CKAP5: variants seen among roughly 807,000 people sequenced by gnomAD.
The protein encoded by CKAP5 is cytoskeleton-associated protein 5.
A neutral mutation model predicts 232.8 loss-of-function variants in CKAP5; 27 were observed. The ratio of observed to expected loss-of-function variants is 0.12; its 90% CI spans 0.09 to 0.16. The LOEUF (loss-of-function observed/expected upper bound fraction) is 0.16, where lower values mean the gene tolerates loss of function less well. Ranked by LOEUF, CKAP5 falls within the 10% of genes least tolerant of loss-of-function variation. The pLI is 1.00. For synonymous variants in CKAP5, 785 were observed against 841.1 expected (o/e 0.93, Z 1.16); for missense variants, 1,838 against 2,424.7 (o/e 0.76, Z 5.08).
chr11:46,824,501 T>G (rs756115899), intron 1 of CKAP5, among the ~76,000 whole-genome samples: 5 of 152,212 alleles, frequency 3.3e-5, no homozygotes, highest in Non-Finnish European at 7.3e-5. Flanking sequence ...TTGTTCATAG[T>G]AGTCAAAAGC....
rs1051476566 is a variant in CKAP5 at position 46,845,071 on chromosome 11, T to A, written c.-38+1149A>T. 2.6e-5 allele frequency among the ~76,000 whole-genome samples: 4 copies of A among 152,220 alleles called. 1 individual carries two copies. The highest frequency in any genetic ancestry group is 9.6e-5 in the African/African-American group (4 of 41,458). ...ATTAAATTTGGTAAAAGCATTACAG[T>A]TTGTCCAGTCACTTCAGAGAAGTCA... On this transcript the variant is annotated intron_variant, in intron 1 of 43. Coordinates refer to ENST00000529230, the MANE Select transcript of CKAP5 (RefSeq NM_001008938.4).
intron 17 of CKAP5, among the ~76,000 whole-genome samples, chr11:46,783,587 G>A (rs1243779035): frequency 1.7e-5 from 2 of 119,660 alleles, no homozygotes; most frequent in African/African-American, 6.4e-5. Context: ...CAATTACTCT[G>A]CATTATAATG....
chr11:46,820,046 C>T lies in CKAP5; in HGVS notation c.57+1129G>A, dbSNP rs146751570. On this transcript the variant is annotated intron_variant, in intron 2 of 43. Transcript: ENST00000529230. ...TCACACGAGATTGAAAAACTCTTAG[C>T]ACATATTAACCAATCAAAAATCGGA... 7.2e-5 allele frequency among the ~76,000 whole-genome samples: 11 copies of T among 152,072 alleles called. 2 individuals are homozygous for T. Among genetic ancestry groups the T allele is most frequent in the African/African-American group, 2.7e-4 (11 of 41,488 alleles).
intron 27 of CKAP5, among the ~76,000 whole-genome samples, chr11:46,766,498 T>C (rs2134598861): frequency 6.6e-6 from 1 of 152,288 alleles, no homozygotes; most frequent in East Asian, 1.9e-4. Context: ...TTGTAATATT[T>C]AGAAGAAAGG....
chr11:46,743,740 A>G lies in CKAP5; in HGVS notation c.*283T>C, dbSNP rs1255253256. ...ATTTTACAAATGAGCAATTAAAAAG[A>G]AAAGAAAAGGATCTGGGAACTAGAC... On this transcript the variant is annotated 3_prime_UTR_variant, in exon 44 of 44. Coordinates refer to ENST00000529230, the MANE Select transcript of CKAP5 (RefSeq NM_001008938.4). The G allele has an allele frequency of 4.3e-6, 1 of 230,850 alleles. No individual in the cohort carries two copies. Among genetic ancestry groups the G allele is most frequent in the African/African-American group, 5.7e-5 (1 of 17,466 alleles). 14.3% of individuals were successfully genotyped at this position (230,850 alleles called of 1,614,324 possible). A position where few individuals can be genotyped will look rare whatever the true frequency, so the allele number is the denominator to read the frequency against.
At chr11:46,780,064 C>A (rs1202328324) in intron 20 of CKAP5, 130 bp downstream of exon 20, 2 of 978,156 alleles carry the variant, frequency 2.0e-6, no homozygotes, top group East Asian at 5.0e-5. Flanking sequence ...AACATCTGCA[C>A]TTAAGCAATC....
At chr11:46,782,639 TA>T (rs1220465249) in intron 18 of CKAP5, among the ~76,000 whole-genome samples, 2 of 152,214 alleles carry the variant, frequency 1.3e-5, no homozygotes, top group Non-Finnish European at 2.9e-5. Context: ...ATGCCTGGAT[TA>T]AAATCTTGGT....
intron 24 of CKAP5, among the ~76,000 whole-genome samples, chr11:46,772,835 G>A (rs1239444102): frequency 6.6e-5 from 10 of 151,024 alleles, no homozygotes; most frequent in Non-Finnish European, 1.3e-4. Flanking sequence ...TCTGCCTCCC[G>A]GGTTCAAGTG....
At chr11:46,776,221 T>C in intron 24 of CKAP5, 34 bp downstream of exon 24, 14 of 1,598,878 alleles carry the variant, frequency 8.8e-6, no homozygotes, top group Non-Finnish European at 1.2e-5. Flanking sequence ...GTAAATGACA[T>C]GAGTAATGCA....
chr11:46,807,885 C>A, intron 8 of CKAP5, 146 bp downstream of exon 8: 1 of 536,306 alleles, frequency 1.9e-6, no homozygotes, highest in Non-Finnish European at 3.2e-6. Flanking sequence ...TTTAAAACAA[C>A]CCTTTAAAAA....
intron 1 of CKAP5, among the ~76,000 whole-genome samples, chr11:46,835,173 G>A (rs1939886536): frequency 6.6e-6 from 1 of 151,920 alleles, no homozygotes; most frequent in African/African-American, 2.4e-5. Flanking sequence ...GAATCTGTTT[G>A]AGAGAAGTCA....
At position 46,809,622 on chromosome 11, in the gene CKAP5, A is replaced by G. The variant is rs566873762; in HGVS notation, c.763+120T>C. ...AGAAGGGACCAGAGTTATTAAAGCT[A>G]CATGCAACTTATATTTTATTAAAGG... On this transcript the variant is annotated intron_variant, in intron 6 of 43. Coordinates refer to ENST00000529230, the MANE Select transcript of CKAP5 (RefSeq NM_001008938.4). 58 of 1,360,254 alleles carry G rather than the reference A, an allele frequency of 4.3e-5. No individual in the cohort carries two copies. The African/African-American group carries it at 7.6e-4, about 18-fold the overall frequency. 84.3% of individuals were successfully genotyped at this position (1,360,254 alleles called of 1,614,324 possible).
rs144731018 is a variant in CKAP5, at chr11:46,746,399, C to A, written c.5705-1822G>T. Among the ~76,000 whole-genome samples the A allele has an allele frequency of 5.5e-3, 834 of 152,278 alleles. 7 individuals are homozygous for A. The highest frequency in any genetic ancestry group is 0.019 in the African/African-American group (805 of 41,534). On this transcript the variant is annotated intron_variant, in intron 42 of 43. Transcript: ENST00000529230. ...ACTTAGTTACTGCATTCATTTATATCATTTAACAAATATCATCATGTGTGG... is the reference window on the plus strand; with the variant it reads ...ACTTAGTTACTGCATTCATTTATATAATTTAACAAATATCATCATGTGTGG...
chr11:46,783,508 C>T, intron 17 of CKAP5, 140 bp from the exon 18 acceptor site: 1 of 567,732 alleles, frequency 1.8e-6, no homozygotes, highest in Non-Finnish European at 3.1e-6. Flanking sequence ...CAAGAGTGAA[C>T]CTACACAAGA....
intron 32 of CKAP5, among the ~76,000 whole-genome samples, chr11:46,761,126 G>T (rs972912700): frequency 5.3e-5 from 8 of 151,900 alleles, no homozygotes; most frequent in African/African-American, 1.9e-4. Context: ...GCACGCGCCT[G>T]TAGTCCTTGC....
At chr11:46,766,768 G>GA (rs1331714059) in intron 27 of CKAP5, among the ~76,000 whole-genome samples, 1 of 152,034 alleles carries the variant, frequency 6.6e-6, no homozygotes, top group Non-Finnish European at 1.5e-5. Context: ...TTAATTAAAT[G>GA]AAAAAATCAC....
intron 28 of CKAP5, 36 bp downstream of exon 28, chr11:46,765,095 G>T: frequency 6.3e-7 from 1 of 1,586,230 alleles, no homozygotes; most frequent in Non-Finnish European, 8.6e-7. Context: ...AACAATACAA[G>T]CAAAAATCTC....
intron 25 of CKAP5, among the ~76,000 whole-genome samples, chr11:46,770,470 T>G (rs1180703563): frequency 6.6e-6 from 1 of 152,230 alleles, no homozygotes; most frequent in Non-Finnish European, 1.5e-5. Flanking sequence ...TCTCTCTTGT[T>G]GCCCAGGCTG....
intron 1 of CKAP5, among the ~76,000 whole-genome samples, chr11:46,830,147 TTAGAA>T (rs1939747724): frequency 6.6e-6 from 1 of 151,482 alleles, no homozygotes. Flanking sequence ...CAGAGAAAGA[TTAGAA>T]TAGAGTAGGC....
Sources: gnomAD v4.1 joint callset for allele counts (sites outside exome capture counted in the v4.1 genomes callset) on GRCh38, gnomAD v4.1.1 for gene constraint, MANE v1.5 for transcripts, NCBI Gene and HGNC (gene_info 2026-07-23, HGNC 2026-07-21) for gene names.